TAFA4: variants seen among roughly 807,000 people sequenced by gnomAD.
TAFA4 encodes the protein chemokine-like protein TAFA-4.
TAFA4 carries 20 observed loss-of-function variants against 21.1 expected under a neutral mutation model. The observed-to-expected ratio is 0.95, with a 90% confidence interval of 0.67 to 1.38. The LOEUF is 1.38. TAFA4 is among the 40% of genes most tolerant of loss of function. TAFA4 has a pLI of 0.00. For synonymous variants in TAFA4, 71 were observed against 67.4 expected (o/e 1.05, Z -0.26); for missense variants, 211 against 180.9 (o/e 1.17, Z -0.95).
At chr3:68,929,093 G>C (rs1257175926) in intron 1 of TAFA4, among the ~76,000 whole-genome samples, 1 of 152,074 alleles carries the variant, frequency 6.6e-6, no homozygotes, top group East Asian at 1.9e-4. Context: ...CAAATAGATG[G>C]GAAGTCAAGG....
chr3:68,762,060 G>A (rs1575598932), intron 3 of TAFA4, among the ~76,000 whole-genome samples: 1 of 151,822 alleles, frequency 6.6e-6, no homozygotes, highest in East Asian at 1.9e-4. Context: ...CTTTAGGAAA[G>A]ACATTTGCTC....
At chr3:68,908,938 C>G (rs753915004) in intron 1 of TAFA4, among the ~76,000 whole-genome samples, 1 of 152,192 alleles carries the variant, frequency 6.6e-6, no homozygotes, top group Non-Finnish European at 1.5e-5. Flanking sequence ...CATCTGACAG[C>G]GCTTCCCACC....
intron 3 of TAFA4, among the ~76,000 whole-genome samples, chr3:68,852,411 T>C (rs1392168239): frequency 1.3e-5 from 2 of 152,136 alleles, no homozygotes; most frequent in East Asian, 3.9e-4. Context: ...TGTGGCTGCC[T>C]AGCTCTGCCA....
chr3:68,909,270 C>T (rs1419883637), intron 1 of TAFA4, among the ~76,000 whole-genome samples: 1 of 152,130 alleles, frequency 6.6e-6, no homozygotes, highest in South Asian at 2.1e-4. Flanking sequence ...ATACTGTTTG[C>T]AACCCACCGG....
chr3:68,911,403 G>A (rs1288424413), intron 1 of TAFA4, among the ~76,000 whole-genome samples: 2 of 152,264 alleles, frequency 1.3e-5, no homozygotes, highest in East Asian at 1.9e-4. Flanking sequence ...CACTAACAAA[G>A]ACTTATGTGT....
At chr3:68,800,106 T>C (rs528635651) in intron 3 of TAFA4, among the ~76,000 whole-genome samples, 3 of 152,158 alleles carry the variant, frequency 2.0e-5, no homozygotes, top group Non-Finnish European at 4.4e-5. Flanking sequence ...TTATGGTGAG[T>C]TGTATAATTA....
chr3:68,892,640 T>G (rs1252451594), intron 1 of TAFA4, among the ~76,000 whole-genome samples: 1 of 152,230 alleles, frequency 6.6e-6, no homozygotes, highest in Non-Finnish European at 1.5e-5. Context: ...AGAGATGATT[T>G]AAATAAATAG....
intron 3 of TAFA4, among the ~76,000 whole-genome samples, chr3:68,827,250 G>A (rs754741208): frequency 1.5e-4 from 23 of 152,176 alleles, no homozygotes; most frequent in South Asian, 2.1e-4. Context: ...ATTTCATGGC[G>A]TGTATGTGCC....
chr3:68,743,022 G>T (rs963548679), intron 4 of TAFA4, among the ~76,000 whole-genome samples: 1 of 152,124 alleles, frequency 6.6e-6, no homozygotes. Flanking sequence ...TCCACTGAAG[G>T]GGCCAGACAT....
intron 3 of TAFA4, among the ~76,000 whole-genome samples, chr3:68,769,348 A>C (rs1301022335): frequency 6.6e-6 from 1 of 152,216 alleles, no homozygotes; most frequent in African/African-American, 2.4e-5. Flanking sequence ...TTATTTCATT[A>C]TACAGTACAA....
chr3:68,830,805 A>G (rs1173910863), intron 3 of TAFA4, among the ~76,000 whole-genome samples: 5 of 152,166 alleles, frequency 3.3e-5, no homozygotes, highest in East Asian at 1.9e-4. Flanking sequence ...GTCTCCCATT[A>G]TTATTGTGTG....
intron 3 of TAFA4, among the ~76,000 whole-genome samples, chr3:68,829,309 C>G (rs1310341891): frequency 6.6e-6 from 1 of 152,106 alleles, no homozygotes; most frequent in Non-Finnish European, 1.5e-5. Context: ...AAAGGATTCC[C>G]TATTTAATAA....
chr3:68,797,671 C>T (rs532534412), intron 3 of TAFA4, among the ~76,000 whole-genome samples: 1 of 139,092 alleles, frequency 7.2e-6, no homozygotes, highest in Non-Finnish European at 1.6e-5. Context: ...CATGGAAGAA[C>T]ATGAGGATAT....
At chr3:68,918,944 T>C (rs2090031248) in intron 1 of TAFA4, among the ~76,000 whole-genome samples, 1 of 152,202 alleles carries the variant, frequency 6.6e-6, no homozygotes, top group African/African-American at 2.4e-5. Context: ...CACAGACATA[T>C]ACAGCATCCT....
At chr3:68,904,008 G>A (rs1389100639) in intron 1 of TAFA4, among the ~76,000 whole-genome samples, 6 of 150,846 alleles carry the variant, frequency 4.0e-5, no homozygotes, top group African/African-American at 1.5e-4. Context: ...TTCTGTATAA[G>A]GCATACACCA....
rs575774839 is a variant in TAFA4, at chr3:68,821,326, C to CTTTTTT, written c.130+59398_130+59403dup. Reference sequence around the variant, plus strand: ...ATACACTATGTAGACAACCTCCCTGCTTTTTTTTTTTTTTTTTTTTTTTTT... The same window carrying CTTTTTT: ...ATACACTATGTAGACAACCTCCCTGCTTTTTTTTTTTTTTTTTTTTTTTTTTTTTTT... On this transcript the variant is annotated intron_variant, in intron 3 of 5. Transcript: ENST00000295569. Among the ~76,000 whole-genome samples, 4 of 73,740 alleles carry CTTTTTT rather than the reference C, an allele frequency of 5.4e-5. 1 individual carries two copies. Among genetic ancestry groups the CTTTTTT allele is most frequent in the Non-Finnish European group, 1.0e-4 (4 of 39,764 alleles). 48.4% of individuals were successfully genotyped at this position (73,740 alleles called of 152,430 possible).
intron 4 of TAFA4, among the ~76,000 whole-genome samples, chr3:68,744,012 G>C (rs112092919): frequency 1.3e-5 from 2 of 152,174 alleles, no homozygotes; most frequent in African/African-American, 4.8e-5. Context: ...AATACCATCT[G>C]CAGGACTAGA....
At chr3:68,756,366 T>C (rs1039411546) in intron 3 of TAFA4, among the ~76,000 whole-genome samples, 2 of 152,252 alleles carry the variant, frequency 1.3e-5, no homozygotes, top group South Asian at 2.1e-4. Flanking sequence ...CATTTACATA[T>C]AAATTGTTGT....
intron 3 of TAFA4, among the ~76,000 whole-genome samples, chr3:68,811,493 C>A (rs1703837259): frequency 6.6e-6 from 1 of 152,114 alleles, no homozygotes. Flanking sequence ...CCTGATGGAG[C>A]TGAAAACCAT....
Sources: gnomAD v4.1 joint callset for allele counts (sites outside exome capture counted in the v4.1 genomes callset) on GRCh38, gnomAD v4.1.1 for gene constraint, MANE v1.5 for transcripts, NCBI Gene and HGNC (gene_info 2026-07-23, HGNC 2026-07-21) for gene names.